The following DLGAP2 variants were observed in gnomAD, a reference collection of about 807,000 sequenced individuals.
The protein encoded by DLGAP2 is disks large-associated protein 2.
DLGAP2 carries 26 observed loss-of-function variants against 100.3 expected under a neutral mutation model. The ratio of observed to expected loss-of-function variants is 0.26; its 90% CI spans 0.19 to 0.36. DLGAP2 has a LOEUF of 0.36. Ranked by LOEUF, DLGAP2 falls within the 10% of genes least tolerant of loss-of-function variation. DLGAP2 has a pLI of 1.00. For missense variants in DLGAP2, 1,858 were observed against 1,453.2 expected, an observed-to-expected ratio of 1.28 and a Z score of -4.53; for synonymous variants, 886 against 630.1, an observed-to-expected ratio of 1.41 and a Z score of -6.08.
chr8:947,157 C>G (rs983809482), intron 2 of DLGAP2, among the ~76,000 whole-genome samples: 1 of 152,192 alleles, frequency 6.6e-6, no homozygotes, highest in African/African-American at 2.4e-5. Context: ...AACACAGCAG[C>G]CGAGTCATGC....
intron 1 of DLGAP2, among the ~76,000 whole-genome samples, chr8:849,059 G>GTCTGTTCCAGTATAGGATGTGCCA (rs1563062092): frequency 2.0e-5 from 3 of 151,152 alleles, no homozygotes; most frequent in Non-Finnish European, 4.4e-5. Context: ...AGGATGTGCC[G>GTCTGTTCCAGTATAGGATGTGCCA]TGTCTGTTCC....
intron 2 of DLGAP2, among the ~76,000 whole-genome samples, chr8:1,076,917 C>A (rs1334292698): frequency 1.4e-5 from 2 of 139,014 alleles, no homozygotes; most frequent in Non-Finnish European, 3.1e-5. Context: ...CCCCCAAGAC[C>A]AAGAGGAGGA....
At chr8:1,041,081 C>T (rs1392091626) in intron 2 of DLGAP2, among the ~76,000 whole-genome samples, 1 of 152,136 alleles carries the variant, frequency 6.6e-6, no homozygotes, top group African/African-American at 2.4e-5. Flanking sequence ...GTGCAGACTG[C>T]TCTCCTCTTT....
At chr8:1,321,571 C>T (rs895155313) in intron 3 of DLGAP2, among the ~76,000 whole-genome samples, 6 of 152,246 alleles carry the variant, frequency 3.9e-5, no homozygotes, top group Non-Finnish European at 8.8e-5. Flanking sequence ...CTTTCCTCCA[C>T]AGCTCACAGG....
intron 1 of DLGAP2, among the ~76,000 whole-genome samples, chr8:787,635 G>C (rs1320658201): frequency 6.6e-6 from 1 of 152,168 alleles, no homozygotes; most frequent in South Asian, 2.1e-4. Context: ...TCCACCAGCC[G>C]GTGGCCTCTT....
intron 3 of DLGAP2, among the ~76,000 whole-genome samples, chr8:1,322,101 TA>T (rs201549209): frequency 3.9e-5 from 6 of 152,154 alleles, no homozygotes; most frequent in Non-Finnish European, 7.4e-5. Flanking sequence ...ACTAATGATT[TA>T]AAAAAAAGTC....
intron 1 of DLGAP2, among the ~76,000 whole-genome samples, chr8:895,153 G>T (rs1408627492): frequency 2.0e-5 from 3 of 151,928 alleles, no homozygotes. Flanking sequence ...AGAACAGCCA[G>T]AAGAGGGGAT....
At chr8:916,385 G>A (rs1157571486) in intron 2 of DLGAP2, among the ~76,000 whole-genome samples, 3 of 152,202 alleles carry the variant, frequency 2.0e-5, no homozygotes, top group Non-Finnish European at 4.4e-5. Flanking sequence ...TAGGGACGTG[G>A]ATGAAGCTGG....
At chr8:1,522,109 G>C (rs1440721409) in intron 4 of DLGAP2, among the ~76,000 whole-genome samples, 3 of 152,030 alleles carry the variant, frequency 2.0e-5, no homozygotes, top group Admixed American at 2.0e-4. Flanking sequence ...TTGCACACTT[G>C]TTTTAATTTG....
At chr8:799,428 G>A (rs572550530) in intron 1 of DLGAP2, among the ~76,000 whole-genome samples, 26 of 152,262 alleles carry the variant, frequency 1.7e-4, no homozygotes, top group Non-Finnish European at 8.8e-5. Context: ...AATTAGAGGC[G>A]TTTGATGTGC....
At chr8:1,195,146 G>A (rs1243400065) in intron 2 of DLGAP2, among the ~76,000 whole-genome samples, 1 of 152,262 alleles carries the variant, frequency 6.6e-6, no homozygotes, top group Non-Finnish European at 1.5e-5. Context: ...GGTCGCAAAG[G>A]CGTCAGAACA....
chr8:1,374,963 A>G (rs1260654969), intron 3 of DLGAP2, among the ~76,000 whole-genome samples: 2 of 151,494 alleles, frequency 1.3e-5, no homozygotes, highest in African/African-American at 4.9e-5. Context: ...CAGGTGGTCG[A>G]TCTCAAGCCC....
chr8:1,485,808 T>C (rs1799221562), intron 3 of DLGAP2, among the ~76,000 whole-genome samples: 3 of 152,144 alleles, frequency 2.0e-5, no homozygotes, highest in Non-Finnish European at 4.4e-5. Context: ...ATGGATCACT[T>C]GAAGTTAGGA....
At chr8:1,305,502 C>T (rs1488742250) in intron 3 of DLGAP2, among the ~76,000 whole-genome samples, 1 of 152,186 alleles carries the variant, frequency 6.6e-6, no homozygotes, top group Non-Finnish European at 1.5e-5. Context: ...GTGTGTCTTT[C>T]TGTTCTGTCT....
intron 1 of DLGAP2, among the ~76,000 whole-genome samples, chr8:891,859 C>T (rs1798042405): frequency 6.6e-6 from 1 of 152,094 alleles, no homozygotes; most frequent in Non-Finnish European, 1.5e-5. Flanking sequence ...AGGGGGAGGA[C>T]CTTGGGAGAG....
chr8:774,728 A>C (rs1196941457), intron 1 of DLGAP2, among the ~76,000 whole-genome samples: 1 of 151,420 alleles, frequency 6.6e-6, no homozygotes, highest in Non-Finnish European at 1.5e-5. Flanking sequence ...TGGTAGCAGT[A>C]CCATGCTGTT....
chr8:744,715 T>C (rs1820573001), intron 1 of DLGAP2, among the ~76,000 whole-genome samples: 1 of 152,006 alleles, frequency 6.6e-6, no homozygotes, highest in Non-Finnish European at 1.5e-5. Context: ...GGCTGTCTGC[T>C]TCCCACGGTC....
intron 2 of DLGAP2, chr8:1,032,684 T>G (rs1452555431): frequency 6.6e-6 from 1 of 152,200 alleles, no homozygotes. Flanking sequence ...TGTTATTCTT[T>G]ATGTTAAGCA....
chr8:1,257,525 T>TC (rs60292614), intron 2 of DLGAP2, among the ~76,000 whole-genome samples: 116,794 of 151,402 alleles, frequency 0.77, 45,872 homozygotes, highest in Middle Eastern at 0.87. Context: ...CTGTGCTCGC[T>TC]CCCCAGATTA....
Sources: allele counts gnomAD v4.1 joint callset (sites outside exome capture counted in the v4.1 genomes callset), GRCh38; gene constraint gnomAD v4.1.1; transcripts MANE v1.5; gene names NCBI Gene and HGNC (gene_info 2026-07-23, HGNC 2026-07-21).